Variants in RTKN2 observed in about 807,000 individuals in gnomAD.
RTKN2 encodes rhotekin 2.
RTKN2 carries 69 observed loss-of-function variants against 71.5 expected under a neutral mutation model. The ratio of observed to expected loss-of-function variants is 0.96; its 90% CI spans 0.79 to 1.18. The LOEUF (loss-of-function observed/expected upper bound fraction) is 1.18, where lower values mean the gene tolerates loss of function less well. Ranked by LOEUF, RTKN2 falls within the 50% of genes most tolerant of loss-of-function variation. RTKN2 has a pLI of 0.00. For missense variants in RTKN2, 724 were observed against 719.7 expected (o/e 1.01, Z -0.07); for synonymous variants, 236 against 236.5 (o/e 1.00, Z 0.02).
chr10:62,206,354 C>T (rs1009250704), intron 9 of RTKN2, among the ~76,000 whole-genome samples: 2 of 152,088 alleles, frequency 1.3e-5, no homozygotes, highest in African/African-American at 2.4e-5. Flanking sequence ...CACACCAAAA[C>T]CCACATATAC....
chr10:62,226,427 A>G (rs1842025181), intron 6 of RTKN2, among the ~76,000 whole-genome samples: 1 of 152,214 alleles, frequency 6.6e-6, no homozygotes, highest in South Asian at 2.1e-4. Flanking sequence ...GGCTTTTACT[A>G]TATAGTCATT....
intron 2 of RTKN2, among the ~76,000 whole-genome samples, chr10:62,248,072 C>T (rs964194391): frequency 6.6e-6 from 1 of 151,990 alleles, no homozygotes; most frequent in African/African-American, 2.4e-5. Flanking sequence ...GAAAAATTTC[C>T]CCCTTCCAAA....
rs1441954611 is a variant in RTKN2, at chr10:62,184,216, G to C, written c.*106C>G. The C allele has an allele frequency of 7.2e-6, 5 of 691,548 alleles. No homozygotes were observed. The Admixed American group carries it at 8.6e-5, about 12-fold the overall frequency. The allele number at this position is 691,548 out of a possible 1,614,324, so 42.8% of individuals were successfully genotyped here. A position where few individuals can be genotyped will look rare whatever the true frequency, so the allele number is the denominator to read the frequency against. On this transcript the variant is annotated 3_prime_UTR_variant, in exon 9 of 9. Transcript: ENST00000315289. ...GCCGTACTGGGTGCTAGGAATACAGGAAGGAGACGCGTTGTCTTTTCCCTC... is the reference window on the plus strand; with the variant it reads ...GCCGTACTGGGTGCTAGGAATACAGCAAGGAGACGCGTTGTCTTTTCCCTC...
chr10:62,266,788 TCCAACAG>T (rs1293201505), intron 1 of RTKN2, among the ~76,000 whole-genome samples: 1 of 152,184 alleles, frequency 6.6e-6, no homozygotes, highest in Non-Finnish European at 1.5e-5. Flanking sequence ...GTTCTCCAAT[TCCAACAG>T]CTGTCTGGGA....
At chr10:62,241,574 A>C (rs939093407) in intron 3 of RTKN2, among the ~76,000 whole-genome samples, 12 of 151,974 alleles carry the variant, frequency 7.9e-5, no homozygotes, top group African/African-American at 2.7e-4. Flanking sequence ...CCAACACCAT[A>C]CTATTTTTCT....
chr10:62,224,735 A>T (rs1841983865), intron 6 of RTKN2, among the ~76,000 whole-genome samples: 2 of 152,124 alleles, frequency 1.3e-5, no homozygotes, highest in South Asian at 4.1e-4. Context: ...AGGAGTTAAC[A>T]GTTATCCAGT....
chr10:62,268,566 C>A lies in RTKN2; in HGVS notation c.45G>T (p.Gly15=). Residue 15 remains glycine (G), a synonymous_variant, in exon 1 of 12, where the codon GGG becomes GGT. Coordinates refer to ENST00000373789, the MANE Select transcript of RTKN2 (RefSeq NM_145307.4). The stretch of plus-strand genomic sequence containing the variant: ...CGCAACTCACCTGCTGGGTGGGAAG[C>A]CCCGCCAGGCGGAGCGCAGGACCCC... The part of the protein sequence containing the change: ...SLRGPALRLA[G]LPTQQDCNIQ... The A allele has an allele frequency of 2.6e-6, 4 of 1,563,636 alleles. No individual in the cohort carries two copies. Among genetic ancestry groups the A allele is most frequent in the Non-Finnish European group, 3.5e-6 (4 of 1,153,942 alleles).
intron 10 of RTKN2, among the ~76,000 whole-genome samples, chr10:62,201,638 A>C (rs894395043): frequency 1.3e-5 from 2 of 152,210 alleles, no homozygotes; most frequent in African/African-American, 2.4e-5. Context: ...TTTCTGTCAC[A>C]TTCTTAGAAA....
At position 62,198,000 on chromosome 10, in the gene RTKN2, T is replaced by G; in HGVS notation, c.1738A>C (p.Thr580Pro). Residue 580 changes from threonine to proline, a missense_variant, in exon 12 of 12, where the codon ACC (threonine) becomes CCC (proline). By Grantham distance (38) the Thr-to-Pro change is conservative. Transcript: ENST00000373789. ...GGCACTGGCTTGGCTTCAAAATTGG[T>G]TTTAGTGTCTGTGTGCTCACCATCA... ...LSDGEHTDTK[T>P]NFEAKPVPAP... 6.2e-7 allele frequency: 1 copy of G among 1,613,940 alleles called. No individual in the cohort carries two copies. The highest frequency in any genetic ancestry group is 2.2e-5 in the East Asian group (1 of 44,880).
At chr10:62,262,331 C>T (rs1039510293) in intron 2 of RTKN2, among the ~76,000 whole-genome samples, 6 of 152,194 alleles carry the variant, frequency 3.9e-5, no homozygotes, top group African/African-American at 1.2e-4. Context: ...TTTTCTTACT[C>T]TACATTTCTA....
intron 9 of RTKN2, among the ~76,000 whole-genome samples, chr10:62,214,331 A>T (rs1841723073): frequency 6.6e-6 from 1 of 152,144 alleles, no homozygotes; most frequent in African/African-American, 2.4e-5. Context: ...AATGTAGCTC[A>T]CATTGTCTTC....
At chr10:62,203,345 T>A (rs1035742417) in intron 10 of RTKN2, among the ~76,000 whole-genome samples, 1 of 146,632 alleles carries the variant, frequency 6.8e-6, no homozygotes, top group South Asian at 2.1e-4. Flanking sequence ...CTGCTGAATT[T>A]TTTTTTTTTT....
chr10:62,247,268 T>C (rs187239125), intron 2 of RTKN2, among the ~76,000 whole-genome samples: 1 of 151,986 alleles, frequency 6.6e-6, no homozygotes, highest in Non-Finnish European at 1.5e-5. Context: ...TGAAAACAAA[T>C]ATATCATCCT....
In RTKN2 at chr10:62,262,758, G is replaced by A. The variant is rs138875295; in HGVS notation, c.124C>T (p.Leu42Phe). 355 of 1,613,426 alleles carry A rather than the reference G, an allele frequency of 2.2e-4. 1 individual carries two copies. In the African/African-American group the frequency reaches 4.3e-3, roughly 19 times the overall value. ...IRMREGIWKL[L>F]SLSTQKDQVL... ...TGATCTTTCTGAGTGCTCAGAGAAA[G>A]GAGTTTCCATATTCCTTCTCGCATT... The change falls in exon 2 of 12, where the codon CTT becomes TTT. Residue 42 changes from leucine (L) to phenylalanine (F), a missense_variant. Physicochemically the swap from Leu to Phe is conservative, Grantham distance 22. Transcript: ENST00000373789.
chr10:62,234,131 T>C (rs947968298), intron 6 of RTKN2, among the ~76,000 whole-genome samples: 8 of 152,034 alleles, frequency 5.3e-5, no homozygotes, highest in Admixed American at 6.6e-5. Context: ...AAAGATTAGG[T>C]TGTGTCAAAG....
At position 62,199,745 on chromosome 10, in the gene RTKN2, C is replaced by T. The variant is rs59219241; in HGVS notation, c.1294+9G>A. On this transcript the variant is annotated intron_variant, in intron 11 of 11. Transcript: ENST00000373789. ...ATCCTGCAGCTTAGAAAAGACAAAC[C>T]CCACTTACTCATATCATGGTAGACT... is the stretch of plus-strand genomic sequence containing the variant. 3,184 of 1,539,862 alleles carry T rather than the reference C, an allele frequency of 2.1e-3. 50 individuals are homozygous for T. The African/African-American group carries it at 0.035, about 17-fold the overall frequency.
At chr10:62,218,491 T>C (rs1841828981) in intron 7 of RTKN2, among the ~76,000 whole-genome samples, 190 bp from the exon 8 acceptor site, 1 of 152,124 alleles carries the variant, frequency 6.6e-6, no homozygotes, top group South Asian at 2.1e-4. Flanking sequence ...AAATCAAATA[T>C]GAGAATAGAA....
intron 2 of RTKN2, among the ~76,000 whole-genome samples, chr10:62,255,550 T>C (rs915754240): frequency 1.3e-5 from 2 of 152,166 alleles, no homozygotes; most frequent in Admixed American, 1.3e-4. Flanking sequence ...AGCCAATAAG[T>C]GTAGAAGGAA....
In RTKN2 at chr10:62,217,109, T is replaced by G. The variant is rs959905629; in HGVS notation, c.1020+9A>C. On this transcript the variant is annotated intron_variant, in intron 9 of 11. Coordinates refer to ENST00000373789, the MANE Select transcript of RTKN2 (RefSeq NM_145307.4). ...GTATATTTTTTTCTCAAAATAGCAT[T>G]TCCTTTACCTTGTTAATGGGTACTA... 6.5e-7 allele frequency: 1 copy of G among 1,548,686 alleles called. No homozygotes were observed.
Sources: allele counts gnomAD v4.1 joint callset (sites outside exome capture counted in the v4.1 genomes callset), GRCh38; gene constraint gnomAD v4.1.1; transcripts MANE v1.5; gene names NCBI Gene and HGNC (gene_info 2026-07-23, HGNC 2026-07-21).